INSYN2B: variants seen among roughly 807,000 people sequenced by gnomAD.
INSYN2B encodes inhibitory synaptic factor family member 2B, also known as protein INSYN2B.
A neutral mutation model predicts 41.2 loss-of-function variants in INSYN2B; 16 were observed. That is an observed-to-expected ratio of 0.39 (90% CI 0.26 to 0.59). The LOEUF (loss-of-function observed/expected upper bound fraction) is 0.59. INSYN2B is among the 20% of genes least tolerant of loss of function. The probability of loss-of-function intolerance (pLI) is 0.57; values close to 1 mark genes in which losing one functional copy is unlikely to be tolerated. For synonymous variants in INSYN2B, 245 were observed against 244.4 expected, an observed-to-expected ratio of 1.00 and a Z score of -0.02; for missense variants, 608 against 646.4, an observed-to-expected ratio of 0.94 and a Z score of 0.64.
intron 1 of INSYN2B, among the ~76,000 whole-genome samples, chr5:169,949,866 T>G (rs1259848092): frequency 6.6e-6 from 1 of 151,928 alleles, no homozygotes; most frequent in Non-Finnish European, 1.5e-5. Flanking sequence ...CAAATGCAAA[T>G]AGACTCTTCA....
intron 1 of INSYN2B, among the ~76,000 whole-genome samples, chr5:169,949,207 G>A (rs1776563437): frequency 6.6e-6 from 1 of 152,178 alleles, no homozygotes; most frequent in African/African-American, 2.4e-5. Context: ...AACTCCACAA[G>A]CATTTGCTGC....
chr5:169,865,228 T>G (rs1216894267), intron 3 of INSYN2B, among the ~76,000 whole-genome samples: 2 of 152,244 alleles, frequency 1.3e-5, no homozygotes, highest in African/African-American at 4.8e-5. Flanking sequence ...TTGGTGTCAT[T>G]AACATACGGA....
intron 1 of INSYN2B, among the ~76,000 whole-genome samples, chr5:169,956,039 GAA>G (rs577395351): frequency 3.8e-5 from 5 of 132,860 alleles, no homozygotes; most frequent in African/African-American, 5.5e-5. Flanking sequence ...ACATAGATTT[GAA>G]AAAAAAAAAA....
intron 1 of INSYN2B, among the ~76,000 whole-genome samples, chr5:169,895,190 G>T (rs1303796379): frequency 1.3e-5 from 2 of 152,172 alleles, no homozygotes; most frequent in Non-Finnish European, 2.9e-5. Flanking sequence ...AATGACAAAG[G>T]ATATCCTTTT....
chr5:169,951,606 A>G (rs1334141732), intron 1 of INSYN2B, among the ~76,000 whole-genome samples: 1 of 152,248 alleles, frequency 6.6e-6, no homozygotes, highest in Non-Finnish European at 1.5e-5. Flanking sequence ...ATAGTTATCA[A>G]TAGAAATCAA....
intron 3 of INSYN2B, chr5:169,875,521 A>T (rs1465061246): frequency 3.1e-6 from 1 of 317,520 alleles, no homozygotes; most frequent in Non-Finnish European, 6.3e-6. Flanking sequence ...TTGTTGGAAG[A>T]CAGAACTGTG....
At chr5:169,940,644 A>G (rs1776203924) in intron 1 of INSYN2B, among the ~76,000 whole-genome samples, 1 of 152,196 alleles carries the variant, frequency 6.6e-6, no homozygotes, top group Non-Finnish European at 1.5e-5. Flanking sequence ...GGAGCACGCA[A>G]CTTAGATCCC....
chr5:169,938,468 G>A (rs191326477), intron 1 of INSYN2B, among the ~76,000 whole-genome samples: 4 of 152,240 alleles, frequency 2.6e-5, no homozygotes, highest in Non-Finnish European at 5.9e-5. Context: ...TTACTCTCCC[G>A]AATACTGTAG....
chr5:169,883,432 T>G lies in INSYN2B; in HGVS notation c.467A>C (p.His156Pro). Residue 156 changes from histidine (H) to proline (P), a missense_variant, in exon 2 of 4, where the codon CAT becomes CCT. Transcript: ENST00000377365. ...GACCCTTCGAGGCCCATCCTCAAGATGCTGAGCCAACCTTAAGTAGGCAAG... is the reference window on the plus strand; with the variant it reads ...GACCCTTCGAGGCCCATCCTCAAGAGGCTGAGCCAACCTTAAGTAGGCAAG... ...SDLAYLRLAQHLEDGPRRVKV... is the reference protein window; with the variant it reads ...SDLAYLRLAQPLEDGPRRVKV... 1.3e-6 allele frequency: 2 copies of G among 1,551,686 alleles called. No homozygotes were observed. The highest frequency in any genetic ancestry group is 2.4e-5 in the South Asian group (2 of 84,060).
At chr5:169,901,075 G>A (rs145917873) in intron 1 of INSYN2B, among the ~76,000 whole-genome samples, 5 of 152,270 alleles carry the variant, frequency 3.3e-5, no homozygotes, top group Middle Eastern at 3.4e-3. Flanking sequence ...AATAGAGGCC[G>A]GTGGGAGAAT....
In INSYN2B at chr5:169,884,097, C is replaced by T. The variant is rs76161099; in HGVS notation, c.-199G>A. On this transcript the variant is annotated 5_prime_UTR_variant, in exon 2 of 4. Transcript: ENST00000377365. ...GTCTACGTAGGAACTATCTGTAATG[C>T]TTTCCCTGCAGTTAAAATATTAATT... The T allele has an allele frequency of 4.3e-3, 1,809 of 424,136 alleles. 26 individuals carry two copies. The highest frequency in any genetic ancestry group is 0.033 in the African/African-American group (1,627 of 49,744). 26.3% of individuals were successfully genotyped at this position (424,136 alleles called of 1,614,324 possible).
chr5:169,919,882 G>T lies in INSYN2B; in HGVS notation c.-918-35066C>A, dbSNP rs542067356. On this transcript the variant is annotated intron_variant, in intron 1 of 3. Coordinates refer to ENST00000377365, the MANE Select transcript of INSYN2B (RefSeq NM_001129891.3). ...AACTTAGACATTAACCAGCAGATTA[G>T]TATTAGTGGAAAGGATTTTACTGTA... Among the ~76,000 whole-genome samples, 4 of 152,292 alleles carry T rather than the reference G, an allele frequency of 2.6e-5. 1 individual carries two copies. In the South Asian group the frequency reaches 8.3e-4, roughly 32 times the overall value.
At chr5:169,968,781 G>A (rs1292098715) in intron 1 of INSYN2B, among the ~76,000 whole-genome samples, 1 of 152,194 alleles carries the variant, frequency 6.6e-6, no homozygotes, top group African/African-American at 2.4e-5. Flanking sequence ...AAAGGAGGAA[G>A]AATTGAGTGT....
At chr5:169,897,634 G>A (rs933328057) in intron 1 of INSYN2B, among the ~76,000 whole-genome samples, 1 of 152,212 alleles carries the variant, frequency 6.6e-6, no homozygotes, top group Non-Finnish European at 1.5e-5. Flanking sequence ...TTGAGAGCCT[G>A]GGGATGCAAA....
At position 169,874,223 on chromosome 5, in the gene INSYN2B, G is replaced by A. The variant is rs2113470523; in HGVS notation, c.1421+7145C>T. Among the ~76,000 whole-genome samples, 2 of 152,114 alleles carry A rather than the reference G, an allele frequency of 1.3e-5. 1 individual carries two copies. The highest frequency in any genetic ancestry group is 1.3e-4 in the Admixed American group (2 of 15,278). ...AGGTCAGGGGTTCAAGACCAGCCTG[G>A]CCAACATGGTGAAACCCCGTCTCTA... On this transcript the variant is annotated intron_variant, in intron 3 of 3. Transcript: ENST00000377365.
At chr5:169,916,703 C>T (rs1382695682) in intron 1 of INSYN2B, among the ~76,000 whole-genome samples, 1 of 152,086 alleles carries the variant, frequency 6.6e-6, no homozygotes, top group Non-Finnish European at 1.5e-5. Context: ...TTAATAACAA[C>T]AGCCAGTATT....
At chr5:169,885,508 C>T (rs1355995897) in intron 1 of INSYN2B, among the ~76,000 whole-genome samples, 11 of 152,222 alleles carry the variant, frequency 7.2e-5, no homozygotes, top group Admixed American at 7.2e-4. Context: ...GGACAAAATT[C>T]TCCCCTGATG....
chr5:169,975,692 C>T (rs553864752), intron 1 of INSYN2B, among the ~76,000 whole-genome samples: 7 of 152,308 alleles, frequency 4.6e-5, no homozygotes, highest in African/African-American at 1.7e-4. Context: ...ACTCCATCTC[C>T]ATGCTATTGC....
chr5:169,903,893 A>G (rs1171813003), intron 1 of INSYN2B, among the ~76,000 whole-genome samples: 1 of 151,990 alleles, frequency 6.6e-6, no homozygotes, highest in African/African-American at 2.4e-5. Context: ...TGAGGTCAGG[A>G]GTTCGAGACC....
Sources: allele counts gnomAD v4.1 joint callset (sites outside exome capture counted in the v4.1 genomes callset), GRCh38; gene constraint gnomAD v4.1.1; transcripts MANE v1.5; gene names NCBI Gene and HGNC (gene_info 2026-07-23, HGNC 2026-07-21).